Variants in SMPDL3A observed in about 807,000 individuals in gnomAD.
The protein encoded by SMPDL3A is sphingomyelin phosphodiesterase acid like 3A.
A neutral mutation model predicts 38.5 loss-of-function variants in SMPDL3A; 39 were observed. That is an observed-to-expected ratio of 1.01 (90% CI 0.78 to 1.32). The LOEUF (loss-of-function observed/expected upper bound fraction) is 1.32, where lower values mean the gene tolerates loss of function less well. Among genes scored for constraint, SMPDL3A ranks in the 40% most tolerant of loss-of-function variants. The probability of loss-of-function intolerance (pLI) is 0.00; values close to 1 mark genes in which losing one functional copy is unlikely to be tolerated. For missense variants in SMPDL3A, 502 were observed against 536.2 expected, an observed-to-expected ratio of 0.94 and a Z score of 0.63; for synonymous variants, 180 against 194.3, an observed-to-expected ratio of 0.93 and a Z score of 0.61.
intron 7 of SMPDL3A, among the ~76,000 whole-genome samples, chr6:122,807,202 A>G (rs180699626): frequency 1.3e-5 from 2 of 152,178 alleles, no homozygotes; most frequent in African/African-American, 4.8e-5. Context: ...GGCACACCCA[A>G]AAAATTTTTT....
Position 122,801,423 on chromosome 6 carries a change from GT to G in SMPDL3A, c.568+19del. On this transcript the variant is annotated intron_variant, in intron 4 of 7. Coordinates refer to ENST00000368440, the MANE Select transcript of SMPDL3A (RefSeq NM_006714.5). ...TAAGGAAAGGTAAGTGAAAGACTTA[GT>G]TATTCCTATTTTGCCTCAATTTTTA... 1 of 1,517,562 alleles carries G rather than the reference GT, an allele frequency of 6.6e-7. No homozygotes were observed. The allele number at this position is 1,517,562 out of a possible 1,614,324, so 94.0% of individuals were successfully genotyped here. A position where few individuals can be genotyped will look rare whatever the true frequency, so the allele number is the denominator to read the frequency against.
chr6:122,792,326 GGTTCCA>G (rs1389786251), intron 1 of SMPDL3A, among the ~76,000 whole-genome samples: 1 of 152,190 alleles, frequency 6.6e-6, no homozygotes, highest in African/African-American at 2.4e-5. Context: ...TGGAGAGACT[GGTTCCA>G]GTTAAGCTTT....
chr6:122,808,908 G>A (rs763282992), intron 7 of SMPDL3A, among the ~76,000 whole-genome samples, 183 bp from the exon 8 acceptor site: 1 of 151,834 alleles, frequency 6.6e-6, no homozygotes, highest in African/African-American at 2.4e-5. Flanking sequence ...TGGTCAGGCT[G>A]GTCTCAAACT....
At chr6:122,802,594 A>G (rs1323800140) in intron 4 of SMPDL3A, among the ~76,000 whole-genome samples, 1 of 152,226 alleles carries the variant, frequency 6.6e-6, no homozygotes, top group Non-Finnish European at 1.5e-5. Flanking sequence ...AGATCCCTAA[A>G]GAAATGCTCT....
chr6:122,803,538 G>A, intron 4 of SMPDL3A, 126 bp from the exon 5 acceptor site: 1 of 681,498 alleles, frequency 1.5e-6, no homozygotes, highest in Non-Finnish European at 2.5e-6. Flanking sequence ...CTATCTATGT[G>A]CAAACTAAAC....
chr6:122,806,007 C>G (rs1337812005), intron 6 of SMPDL3A, among the ~76,000 whole-genome samples: 2 of 152,150 alleles, frequency 1.3e-5, no homozygotes, highest in Admixed American at 6.5e-5. Flanking sequence ...ATTTACATAA[C>G]CACAAACTTA....
rs1562344654 is a variant in SMPDL3A at position 122,789,311 on chromosome 6, A to G, written c.-36A>G. ...CTGACGGTCCGAGTGGAGCTGCGGG[A>G]CAGCCCGAACCTCCAGGTCAGCCCC... is the stretch of plus-strand genomic sequence containing the variant. On this transcript the variant is annotated 5_prime_UTR_variant, in exon 1 of 8. Transcript: ENST00000368440. 2.8e-6 allele frequency: 4 copies of G among 1,445,032 alleles called. No individual in the cohort carries two copies. The African/African-American group carries it at 4.3e-5, about 16-fold the overall frequency. 89.5% of individuals were successfully genotyped at this position (1,445,032 alleles called of 1,614,324 possible). A position where few individuals can be genotyped will look rare whatever the true frequency, so the allele number is the denominator to read the frequency against.
chr6:122,809,111 G>T lies in SMPDL3A; in HGVS notation c.1065G>T (p.Leu355Phe). 1.2e-6 allele frequency: 2 copies of T among 1,614,050 alleles called. No homozygotes were observed. The highest frequency in any genetic ancestry group is 1.7e-6 in the Non-Finnish European group (2 of 1,179,960). Residue 355 changes from leucine (L) to phenylalanine (F), a missense_variant, in exon 8 of 8, where the codon TTG becomes TTT. By Grantham distance (22) the Leu-to-Phe change is conservative. Transcript: ENST00000368440. ...YKLLDMLQYYLNLTEANLKGE... is the reference protein window; with the variant it reads ...YKLLDMLQYYFNLTEANLKGE... The stretch of plus-strand genomic sequence containing the variant: ...TGCAGGATATGTTGCAGTATTACTT[G>T]AATCTGACAGAGGCGAATCTAAAGG...
At chr6:122,806,499 C>A in intron 7 of SMPDL3A, 142 bp downstream of exon 7, 1 of 856,082 alleles carries the variant, frequency 1.2e-6, no homozygotes, top group Non-Finnish European at 1.8e-6. Flanking sequence ...CTTTTTTATA[C>A]TTGCAATGTT....
rs775278317 is a variant in SMPDL3A, at chr6:122,795,736, C to A, written c.172C>A (p.His58Asn). 2 of 1,614,128 alleles carry A rather than the reference C, an allele frequency of 1.2e-6. No individual in the cohort carries two copies. Among genetic ancestry groups the A allele is most frequent in the Admixed American group, 1.7e-5 (1 of 60,010 alleles). The change falls in exon 2 of 8, where the codon CAC (histidine) becomes AAC (asparagine). Residue 58 changes from histidine to asparagine, a missense_variant. Transcript: ENST00000368440. ...LDPTYHITDD[H>N]TKVCASSKGA... ...CCCTACTTACCACATCACAGATGAC[C>A]ACACAAAAGTGTGTGCTTCATCTAA...
In SMPDL3A at chr6:122,789,475, C is replaced by CCTT. The variant is rs1187095473; in HGVS notation, c.112+20_112+22dup. 4.6e-6 allele frequency: 7 copies of CCTT among 1,534,984 alleles called. No homozygotes were observed. The South Asian group carries it at 8.4e-5, about 18-fold the overall frequency. On this transcript the variant is annotated intron_variant, in intron 1 of 7. Coordinates refer to ENST00000368440, the MANE Select transcript of SMPDL3A (RefSeq NM_006714.5). ...CGGCGATAGGTGAGTTGTCCGCGAC[C>CCTT]CTTCTCTTCCCAGCCGGCAAAGAGC...
At position 122,795,713 on chromosome 6, in the gene SMPDL3A, C is replaced by G. The variant is rs748952413; in HGVS notation, c.149C>G (p.Pro50Arg). ...CATGTGACTGACTTACACTTAGACC[C>G]TACTTACCACATCACAGATGACCAC... Reference protein sequence around the residue: ...FWHVTDLHLDPTYHITDDHTK... With the variant: ...FWHVTDLHLDRTYHITDDHTK... The change falls in exon 2 of 8, where the codon CCT (proline) becomes CGT (arginine). Residue 50 changes from proline to arginine, a missense_variant. Physicochemically the swap from Pro to Arg is moderately radical, Grantham distance 103. Coordinates refer to ENST00000368440, the MANE Select transcript of SMPDL3A (RefSeq NM_006714.5). 6.2e-7 allele frequency: 1 copy of G among 1,614,064 alleles called. No homozygotes were observed. The highest frequency in any genetic ancestry group is 1.3e-5 in the African/African-American group (1 of 74,936).
At chr6:122,798,418 A>G (rs1270288230) in intron 3 of SMPDL3A, among the ~76,000 whole-genome samples, 1 of 152,106 alleles carries the variant, frequency 6.6e-6, no homozygotes, top group Non-Finnish European at 1.5e-5. Flanking sequence ...TAGTCACTAG[A>G]ATGTAAATCT....
At position 122,805,815 on chromosome 6, in the gene SMPDL3A, G is replaced by A. The variant is rs78138729; in HGVS notation, c.920-418G>A. 4.6e-4 allele frequency among the ~76,000 whole-genome samples: 70 copies of A among 152,206 alleles called. 1 individual carries two copies. In the East Asian group the frequency reaches 0.013, roughly 27 times the overall value. ...TCACCATGTTGGCCAGGAAGGTCTC[G>A]ATCTCTTGACCTAGTGATCTGCCCG... On this transcript the variant is annotated intron_variant, in intron 6 of 7. Coordinates refer to ENST00000368440, the MANE Select transcript of SMPDL3A (RefSeq NM_006714.5).
intron 3 of SMPDL3A, among the ~76,000 whole-genome samples, chr6:122,797,609 T>C (rs879386181): frequency 6.6e-6 from 1 of 152,174 alleles, no homozygotes; most frequent in Non-Finnish European, 1.5e-5. Flanking sequence ...CAGCATCCTA[T>C]TGTAGTAGTG....
chr6:122,803,825 AAGG>A lies in SMPDL3A; in HGVS notation c.733_735del (p.Glu245del). The A allele has an allele frequency of 1.2e-6, 2 of 1,613,830 alleles. No individual in the cohort carries two copies. The highest frequency in any genetic ancestry group is 8.5e-7 in the Non-Finnish European group (1 of 1,179,938). ...TACATTGAACAACTCTCAGCAGAAT[AAGG>A]AGAAGGTAGATCCCATAGACCAAAA... On this transcript the variant is annotated inframe_deletion, in exon 5 of 8. Transcript: ENST00000368440.
At position 122,805,008 on chromosome 6, in the gene SMPDL3A, C is replaced by A. The variant is rs774243750; in HGVS notation, c.838C>A (p.Gln280Lys). 10 of 1,613,056 alleles carry A rather than the reference C, an allele frequency of 6.2e-6. No homozygotes were observed. Among genetic ancestry groups the A allele is most frequent in the Non-Finnish European group, 8.5e-6 (10 of 1,179,684 alleles). The change falls in exon 6 of 8, where the codon CAA becomes AAA. Residue 280 changes from glutamine (Q) to lysine (K), a missense_variant. Transcript: ENST00000368440. ...TAATGAGAAATTGATAGATATTTTT[C>A]AAAAATACAGTGATGTCATTGCAGG... ...YYNEKLIDIF[Q>K]KYSDVIAGQF...
intron 3 of SMPDL3A, 84 bp downstream of exon 3, chr6:122,797,052 A>G (rs1157546627): frequency 8.7e-7 from 1 of 1,154,610 alleles, no homozygotes; most frequent in Non-Finnish European, 1.3e-6. Flanking sequence ...AGCTAGTGAT[A>G]GGGCATGGGA....
chr6:122,801,190 C>A, intron 3 of SMPDL3A, 120 bp from the exon 4 acceptor site: 1 of 702,508 alleles, frequency 1.4e-6, no homozygotes, highest in South Asian at 1.7e-5. Context: ...TGAAGTCTAT[C>A]TAATAATCAT....
Sources: allele counts gnomAD v4.1 joint callset (sites outside exome capture counted in the v4.1 genomes callset), GRCh38; gene constraint gnomAD v4.1.1; transcripts MANE v1.5; gene names NCBI Gene and HGNC (gene_info 2026-07-23, HGNC 2026-07-21).